Variants in COL21A1 observed in about 807,000 individuals in gnomAD.
COL21A1 encodes collagen type XXI alpha 1 chain.
In COL21A1, 149 loss-of-function variants were observed where a neutral mutation model predicts 137.9. The observed-to-expected ratio is 1.08, with a 90% CI of 0.95 to 1.24. The LOEUF (loss-of-function observed/expected upper bound fraction) is 1.24. COL21A1 is among the 50% of genes most tolerant of loss of function. The pLI, the probability that COL21A1 is intolerant of heterozygous loss-of-function variation, is 0.00. For missense variants in COL21A1, 1,167 were observed against 1,158.4 expected (o/e 1.01, Z -0.11); for synonymous variants, 456 against 391.5 (o/e 1.16, Z -1.95).
At chr6:56,077,385 G>A (rs1767335645) in intron 18 of COL21A1, 144 bp downstream of exon 18, 2 of 603,562 alleles carry the variant, frequency 3.3e-6, no homozygotes, top group Non-Finnish European at 2.8e-6. Context: ...ATACAAATTT[G>A]TAAAGCCAAA....
At chr6:56,276,793 G>A in intron 1 of COL21A1, 1 of 1,019,358 alleles carries the variant, frequency 9.8e-7, no homozygotes, top group East Asian at 2.6e-5. Context: ...TGTTCAGTGA[G>A]TTGTGTTTTT....
chr6:56,123,989 A>C, intron 16 of COL21A1, 73 bp downstream of exon 16: 1 of 1,271,428 alleles, frequency 7.9e-7, no homozygotes, highest in Non-Finnish European at 1.1e-6. Context: ...TAATATTGGT[A>C]CATTTTTCTT....
At chr6:56,305,889 T>C (rs1292938560) in intron 1 of COL21A1, among the ~76,000 whole-genome samples, 3 of 151,862 alleles carry the variant, frequency 2.0e-5, no homozygotes, top group Non-Finnish European at 4.4e-5. Flanking sequence ...TTCCTTCCCA[T>C]GTTTAGTGCT....
chr6:56,379,979 A>G (rs1293415223), intron 1 of COL21A1, among the ~76,000 whole-genome samples: 2 of 151,930 alleles, frequency 1.3e-5, no homozygotes, highest in South Asian at 4.2e-4. Context: ...ATATACTTTG[A>G]GTGTTTGTCC....
chr6:56,069,420 AAAT>A (rs1216137594), intron 21 of COL21A1, among the ~76,000 whole-genome samples: 1 of 151,490 alleles, frequency 6.6e-6, no homozygotes, highest in East Asian at 1.9e-4. Context: ...AAAGTTGTAA[AAAT>A]AATAAACACA....
chr6:56,220,003 G>A (rs1045588374), intron 1 of COL21A1, among the ~76,000 whole-genome samples: 15 of 152,124 alleles, frequency 9.9e-5, no homozygotes, highest in African/African-American at 3.6e-4. Context: ...AGAGTTTTTA[G>A]AGGGTGGGCT....
intron 1 of COL21A1, among the ~76,000 whole-genome samples, chr6:56,203,923 G>A (rs138496884): frequency 2.0e-4 from 31 of 152,248 alleles, no homozygotes; most frequent in African/African-American, 6.7e-4. Context: ...TGGGAGGAAC[G>A]GTGCACTCTG....
chr6:56,209,823 AC>A (rs1255416390), intron 1 of COL21A1, among the ~76,000 whole-genome samples: 10 of 152,204 alleles, frequency 6.6e-5, no homozygotes, highest in Non-Finnish European at 1.3e-4. Context: ...AGACTCATTC[AC>A]ATGTATGTTT....
chr6:56,077,400 C>A, intron 18 of COL21A1, 129 bp downstream of exon 18: 1 of 646,838 alleles, frequency 1.5e-6, no homozygotes, highest in Non-Finnish European at 2.6e-6. Context: ...GCCAAAACAA[C>A]GTCTTCTAAA....
intron 17 of COL21A1, among the ~76,000 whole-genome samples, chr6:56,098,614 T>A (rs867794203): frequency 0.039 from 1,079 of 27,910 alleles, 340 homozygotes; most frequent in East Asian, 0.065. Flanking sequence ...TAAATATATA[T>A]AAATATATAT....
chr6:56,082,879 A>T (rs2114160844), intron 17 of COL21A1, among the ~76,000 whole-genome samples: 1 of 151,980 alleles, frequency 6.6e-6, no homozygotes, highest in African/African-American at 2.4e-5. Flanking sequence ...TATTTTTGAA[A>T]TGTGTATGCT....
intron 1 of COL21A1, among the ~76,000 whole-genome samples, chr6:56,334,781 T>C (rs577401578): frequency 6.6e-6 from 1 of 152,282 alleles, no homozygotes; most frequent in Admixed American, 6.5e-5. Flanking sequence ...TCTGCCATCA[T>C]AAGTGGATGA....
chr6:56,176,530 CA>C (rs1364023228), intron 3 of COL21A1, among the ~76,000 whole-genome samples: 1 of 150,530 alleles, frequency 6.6e-6, no homozygotes, highest in Non-Finnish European at 1.5e-5. Context: ...CATCACTAAT[CA>C]TCAGAGAAAT....
intron 1 of COL21A1, among the ~76,000 whole-genome samples, chr6:56,315,108 C>T (rs1476201352): frequency 6.6e-6 from 1 of 152,198 alleles, no homozygotes; most frequent in African/African-American, 2.4e-5. Flanking sequence ...TGAATGTAAA[C>T]TCAAATAACT....
intron 1 of COL21A1, among the ~76,000 whole-genome samples, chr6:56,315,217 A>G (rs1176708783): frequency 6.6e-6 from 1 of 152,176 alleles, no homozygotes; most frequent in Non-Finnish European, 1.5e-5. Flanking sequence ...AGAGGCCCTG[A>G]GCGGGGTGAC....
intron 1 of COL21A1, among the ~76,000 whole-genome samples, chr6:56,197,827 T>C (rs928851070): frequency 1.3e-5 from 2 of 152,128 alleles, no homozygotes; most frequent in African/African-American, 4.8e-5. Context: ...AGAACTACTA[T>C]ATGAACCAGT....
intron 21 of COL21A1, among the ~76,000 whole-genome samples, chr6:56,069,953 G>A (rs1378348683): frequency 6.6e-6 from 1 of 151,448 alleles, no homozygotes; most frequent in Non-Finnish European, 1.5e-5. Flanking sequence ...AGTACAGGGT[G>A]TATTACATGA....
intron 12 of COL21A1, among the ~76,000 whole-genome samples, chr6:56,140,702 TG>T (rs1443096416): frequency 6.6e-6 from 1 of 152,142 alleles, no homozygotes; most frequent in African/African-American, 2.4e-5. Flanking sequence ...AGAAGCCACA[TG>T]GAATGTGAAG....
intron 5 of COL21A1, among the ~76,000 whole-genome samples, chr6:56,169,800 T>G (rs1025532797): frequency 1.3e-5 from 2 of 152,020 alleles, no homozygotes; most frequent in Non-Finnish European, 2.9e-5. Context: ...ACCAGTTGCC[T>G]TGAATATCCT....
Sources: allele counts gnomAD v4.1 joint callset (sites outside exome capture counted in the v4.1 genomes callset), GRCh38; gene constraint gnomAD v4.1.1; transcripts MANE v1.5; gene names NCBI Gene and HGNC (gene_info 2026-07-23, HGNC 2026-07-21).